MAPT: variants seen among roughly 807,000 people sequenced by gnomAD.
The protein encoded by MAPT is microtubule-associated protein tau.
A neutral mutation model predicts 67.9 loss-of-function variants in MAPT; 34 were observed. The observed-to-expected ratio is 0.50, with a 90% CI of 0.38 to 0.67. MAPT has a LOEUF of 0.67. Among genes scored for constraint, MAPT ranks in the 30% least tolerant of loss-of-function variants. MAPT has a pLI of 0.00. For missense variants in MAPT, 881 were observed against 1,115.2 expected, an observed-to-expected ratio of 0.79 and a Z score of 2.99; for synonymous variants, 456 against 464.5, an observed-to-expected ratio of 0.98 and a Z score of 0.23.
intron 3 of MAPT, chr17:45,973,893 A>C (rs941058493): frequency 1.8e-5 from 3 of 168,934 alleles, no homozygotes; most frequent in African/African-American, 7.2e-5. Flanking sequence ...GAGCTGGGAG[A>C]AGTCTTGGAA....
At chr17:45,974,288 C>A (rs1339638754) in intron 3 of MAPT, 2 of 876,436 alleles carry the variant, frequency 2.3e-6, no homozygotes, top group Non-Finnish European at 3.7e-6. Context: ...CCCCTCCTCA[C>A]TCCTCCTCCC....
intron 1 of MAPT, among the ~76,000 whole-genome samples, chr17:45,903,895 T>A (rs867821898): frequency 5.7e-4 from 19 of 33,172 alleles, no homozygotes; most frequent in Middle Eastern, 0.018. Flanking sequence ...ATTTATATAT[T>A]ATATATATTT....
chr17:45,952,120 T>A (rs1422647972), intron 1 of MAPT, among the ~76,000 whole-genome samples: 1 of 151,896 alleles, frequency 6.6e-6, no homozygotes, highest in African/African-American at 2.4e-5. Context: ...CCAGGCTGCG[T>A]AGTCACCTCA....
At chr17:45,989,755 T>A (rs907287357) in intron 6 of MAPT, 123 bp from the exon 7 acceptor site, 12 of 859,620 alleles carry the variant, frequency 1.4e-5, no homozygotes, top group Non-Finnish European at 2.2e-5. Context: ...TCAAACAGCC[T>A]GGAGATCACT....
chr17:45,925,040 T>C (rs1182110337), intron 1 of MAPT, among the ~76,000 whole-genome samples: 2 of 152,220 alleles, frequency 1.3e-5, no homozygotes, highest in African/African-American at 2.4e-5. Flanking sequence ...GTAAATTTAG[T>C]TCTGACTTCT....
chr17:46,005,686 A>ATTT (rs2145952250), intron 9 of MAPT, among the ~76,000 whole-genome samples: 2 of 152,346 alleles, frequency 1.3e-5, no homozygotes, highest in African/African-American at 4.8e-5. Flanking sequence ...ACTTGTGCAG[A>ATTT]GGGCGACAGT....
intron 9 of MAPT, chr17:45,999,565 A>G: frequency 6.2e-7 from 1 of 1,612,956 alleles, no homozygotes; most frequent in South Asian, 1.1e-5. Context: ...ACAACTTTCC[A>G]TTGAAGGCCC....
intron 2 of MAPT, among the ~76,000 whole-genome samples, chr17:45,965,574 C>A (rs1333513496): frequency 6.6e-6 from 1 of 151,868 alleles, no homozygotes; most frequent in Non-Finnish European, 1.5e-5. Context: ...TACCACCACG[C>A]CTGGCCAGTT....
At position 45,971,755 on chromosome 17, in the gene MAPT, G is replaced by T. The variant is rs944167539; in HGVS notation, c.134-104G>T. ...CGTGTTCCAGCTGTTTCCACAGGGA[G>T]CGATTTTCAGCTCCACAGGACACTG... is the stretch of plus-strand genomic sequence containing the variant. On this transcript the variant is annotated intron_variant, in intron 2 of 12. Transcript: ENST00000262410. The surrounding 1 kb of genome is among the most constrained non-coding windows in gnomAD (Gnocchi z 4.3). 2.9e-5 allele frequency: 24 copies of T among 837,596 alleles called. No individual in the cohort carries two copies. Among genetic ancestry groups the T allele is most frequent in the Non-Finnish European group, 4.3e-5 (21 of 487,634 alleles). The allele number at this position is 837,596 out of a possible 1,614,324, so 51.9% of individuals were successfully genotyped here.
chr17:45,970,955 C>G (rs1163734805), intron 2 of MAPT, among the ~76,000 whole-genome samples: 1 of 152,346 alleles, frequency 6.6e-6, no homozygotes. Context: ...ACCTAGCACT[C>G]AGCTCTGTAT....
intron 1 of MAPT, among the ~76,000 whole-genome samples, chr17:45,907,280 T>C (rs62056808): frequency 0.14 from 21,726 of 152,118 alleles, 2,094 homozygotes; most frequent in Middle Eastern, 0.22. Context: ...CTATTTAAAT[T>C]GACCTGACCT....
intron 1 of MAPT, among the ~76,000 whole-genome samples, chr17:45,931,562 G>T (rs1440799007): frequency 1.3e-5 from 2 of 152,148 alleles, no homozygotes; most frequent in Non-Finnish European, 1.5e-5. Flanking sequence ...GTCTGCAGAA[G>T]TTGCCCATAA....
intron 9 of MAPT, among the ~76,000 whole-genome samples, chr17:45,998,439 C>T (rs1478874971): frequency 6.6e-6 from 1 of 152,208 alleles, no homozygotes; most frequent in Non-Finnish European, 1.5e-5. Flanking sequence ...CCCAGAGCAC[C>T]TCCTCTCATC....
chr17:45,999,665 A>C (rs2074829358), intron 9 of MAPT: 1 of 1,594,002 alleles, frequency 6.3e-7, no homozygotes, highest in Non-Finnish European at 8.5e-7. Flanking sequence ...TGCCAAGTGT[A>C]GAAAGGGGCA....
chr17:45,920,774 A>G (rs1305175653), intron 1 of MAPT, among the ~76,000 whole-genome samples: 2 of 151,998 alleles, frequency 1.3e-5, no homozygotes, highest in African/African-American at 4.8e-5. Context: ...TCCCCGAGAG[A>G]GTGGGGCACC....
intron 11 of MAPT, among the ~76,000 whole-genome samples, chr17:46,016,730 C>T (rs1304994970): frequency 6.6e-6 from 1 of 152,174 alleles, no homozygotes; most frequent in African/African-American, 2.4e-5. Context: ...AAGATCGCGC[C>T]ACTGCATACC....
At chr17:45,978,247 T>C (rs1044499645) in intron 3 of MAPT, 128 bp from the exon 4 acceptor site, 13 of 788,654 alleles carry the variant, frequency 1.6e-5, no homozygotes, top group Non-Finnish European at 2.7e-5. Context: ...TGAGGCACCT[T>C]GGTATTCTTG....
rs769584478 is a variant in MAPT at position 45,962,355 on chromosome 17, G to A, written c.18G>A (p.Gln6=). MAEPR[Q]EFEVMEDHAG... ...GAACCAGGATGGCTGAGCCCCGCCA[G>A]GAGTTCGAAGTGATGGAAGATCACG... Residue 6 remains glutamine (Q), a synonymous_variant, in exon 2 of 13, where the codon CAG becomes CAA. Transcript: ENST00000262410. 21 of 1,612,088 alleles carry A rather than the reference G, an allele frequency of 1.3e-5. No individual in the cohort carries two copies. The Admixed American group carries it at 3.2e-4, about 24-fold the overall frequency.
intron 9 of MAPT, among the ~76,000 whole-genome samples, chr17:46,004,383 C>T (rs2075263925): frequency 6.6e-6 from 1 of 152,202 alleles, no homozygotes; most frequent in African/African-American, 2.4e-5. Context: ...CCCCACCTCA[C>T]CACAGCCTCT....
Sources: allele counts gnomAD v4.1 joint callset (sites outside exome capture counted in the v4.1 genomes callset), GRCh38; gene constraint gnomAD v4.1.1; non-coding constraint Gnocchi (gnomAD v3.1); transcripts MANE v1.5; gene names NCBI Gene and HGNC (gene_info 2026-07-23, HGNC 2026-07-21).